VEPH1: variants seen among roughly 807,000 people sequenced by gnomAD.
VEPH1 encodes ventricular zone expressed PH domain containing 1.
VEPH1 carries 80 observed loss-of-function variants against 85.2 expected under a neutral mutation model. The ratio of observed to expected loss-of-function variants is 0.94; its 90% CI spans 0.78 to 1.13. VEPH1 has a LOEUF of 1.13. Ranked by LOEUF, VEPH1 falls within the 50% of genes most tolerant of loss-of-function variation. The probability of loss-of-function intolerance (pLI) is 0.00; values close to 1 mark genes in which losing one functional copy is unlikely to be tolerated. For synonymous variants in VEPH1, 297 were observed against 348.0 expected (o/e 0.85, Z 1.63); for missense variants, 955 against 980.5 (o/e 0.97, Z 0.35).
intron 6 of VEPH1, among the ~76,000 whole-genome samples, chr3:157,391,580 G>T (rs1391217292): frequency 2.0e-5 from 3 of 152,138 alleles, no homozygotes; most frequent in African/African-American, 7.2e-5. Context: ...AGAGTCTTTG[G>T]GAAATATGGG....
Position 157,261,242 on chromosome 3 carries a change from G to T in VEPH1, c.2394C>A (p.Val798=), listed in dbSNP as rs1577169182. 1.9e-6 allele frequency: 3 copies of T among 1,613,768 alleles called. No homozygotes were observed. The highest frequency in any genetic ancestry group is 2.5e-6 in the Non-Finnish European group (3 of 1,179,782). Residue 798 remains valine (V), a synonymous_variant, in exon 14 of 14, where the codon GTC becomes GTA. Transcript: ENST00000362010. ...CATTCTTCTCATCCTTGGCCTTAAA[G>T]ACATAGGTTTTATTGTCTGTGAAGA... ...FEIFTDNKTY[V]FKAKDEKNAE... is the part of the protein sequence containing the mutation.
intron 2 of VEPH1, among the ~76,000 whole-genome samples, chr3:157,474,297 C>T (rs570489738): frequency 2.0e-5 from 3 of 151,810 alleles, no homozygotes; most frequent in Non-Finnish European, 4.4e-5. Flanking sequence ...CTTTATAACT[C>T]TTGTGAACTA....
intron 3 of VEPH1, among the ~76,000 whole-genome samples, chr3:157,461,943 TC>T (rs1376095581): frequency 6.6e-6 from 1 of 151,616 alleles, no homozygotes; most frequent in East Asian, 1.9e-4. Flanking sequence ...CTTCTAGTCA[TC>T]AAGAGATATC....
At chr3:157,304,486 C>T (rs1406703701) in intron 11 of VEPH1, among the ~76,000 whole-genome samples, 1 of 152,128 alleles carries the variant, frequency 6.6e-6, no homozygotes, top group East Asian at 1.9e-4. Context: ...CTTCAATCAA[C>T]TTTGTCAACT....
Position 157,261,326 on chromosome 3 carries a change from CTG to C in VEPH1, c.2308_2309del (p.Gln770GlufsTer25), listed in dbSNP as rs1695524073. On this transcript the variant is annotated frameshift_variant, in exon 14 of 14. Transcript: ENST00000362010. LOFTEE classifies it high-confidence loss of function. The part of the protein sequence containing the change: ...DDCPIELSKV[Q>X]SVKAVAKKRR... Reference sequence around the variant, plus strand: ...GTTTCTTGGCCACAGCCTTCACACTCTGTACTTTGCTGAGTTCTATTGGGCAG... The same window carrying C: ...GTTTCTTGGCCACAGCCTTCACACTCTACTTTGCTGAGTTCTATTGGGCAG... 1 of 1,613,578 alleles carries C rather than the reference CTG, an allele frequency of 6.2e-7. No homozygotes were observed. The highest frequency in any genetic ancestry group is 1.3e-5 in the African/African-American group (1 of 74,872).
rs1728743202 is a variant in VEPH1, at chr3:157,381,330, T to C, written c.953A>G (p.Asn318Ser). ...AATATGGTGAAACGAATGCTCCATG[T>C]TGGCCAGTTGGCTCACCAGGTATGT... ...CLTYLVSQLA[N>S]MEHSFHHILL... The change falls in exon 7 of 14, where the codon AAC becomes AGC. Residue 318 changes from asparagine to serine, a missense_variant. Transcript: ENST00000362010. 6.2e-7 allele frequency: 1 copy of C among 1,614,208 alleles called. No homozygotes were observed. The highest frequency in any genetic ancestry group is 2.2e-5 in the East Asian group (1 of 44,878).
At chr3:157,392,980 G>A (rs1488582606) in intron 6 of VEPH1, among the ~76,000 whole-genome samples, 2 of 152,100 alleles carry the variant, frequency 1.3e-5, no homozygotes, top group Non-Finnish European at 2.9e-5. Context: ...ATTTAATCCT[G>A]GGCAACTGGA....
In VEPH1 at chr3:157,396,664, G is replaced by C. The variant is rs112997450; in HGVS notation, c.907-15288C>G. On this transcript the variant is annotated intron_variant, in intron 6 of 13. Transcript: ENST00000362010. The stretch of plus-strand genomic sequence containing the variant: ...TGGTGTGAGATGATATCTCATTGTG[G>C]TTTTGATCCGCATTTCTTTAATGAT... Among the ~76,000 whole-genome samples the C allele has an allele frequency of 5.9e-5, 9 of 152,194 alleles. 1 individual carries two copies. The highest frequency in any genetic ancestry group is 2.2e-4 in the African/African-American group (9 of 41,534).
intron 6 of VEPH1, among the ~76,000 whole-genome samples, chr3:157,390,913 T>C (rs533610195): frequency 0.017 from 2,513 of 152,270 alleles, 67 homozygotes; most frequent in African/African-American, 0.055. Flanking sequence ...CATCTCCAAG[T>C]TTTTGGGCAC....
At chr3:157,439,972 G>A (rs1577664017) in intron 4 of VEPH1, among the ~76,000 whole-genome samples, 1 of 152,046 alleles carries the variant, frequency 6.6e-6, no homozygotes, top group African/African-American at 2.4e-5. Context: ...GGATGGTCTC[G>A]ATCTCCTGAC....
intron 6 of VEPH1, among the ~76,000 whole-genome samples, chr3:157,382,448 G>A (rs539005715): frequency 6.6e-6 from 1 of 152,192 alleles, no homozygotes; most frequent in South Asian, 2.1e-4. Context: ...TATTGAAAAG[G>A]TTATTTGAAA....
Position 157,442,842 on chromosome 3 carries a change from A to C in VEPH1, c.530-14354T>G, listed in dbSNP as rs1209688854. The C allele has an allele frequency of 2.5e-6, 4 of 1,614,110 alleles. No homozygotes were observed. In the African/African-American group the frequency reaches 4.0e-5, roughly 16 times the overall value. ...CTTCTCTGGGAGACTCACAGGCTTC[A>C]ATATCTGGGATAGTGTTCTTAGCAA... On this transcript the variant is annotated intron_variant, in intron 4 of 13. Transcript: ENST00000362010.
chr3:157,441,692 C>T (rs1734129359), intron 4 of VEPH1, among the ~76,000 whole-genome samples: 2 of 151,972 alleles, frequency 1.3e-5, no homozygotes. Context: ...CACCTGTAGT[C>T]CCAGCTACTC....
At chr3:157,380,887 A>T (rs984565859) in intron 7 of VEPH1, among the ~76,000 whole-genome samples, 7 of 152,234 alleles carry the variant, frequency 4.6e-5, no homozygotes, top group Admixed American at 4.6e-4. Flanking sequence ...TTGTTGAGTA[A>T]ATAAACGGGT....
chr3:157,484,165 A>C (rs1031658635), intron 2 of VEPH1, among the ~76,000 whole-genome samples: 1 of 152,236 alleles, frequency 6.6e-6, no homozygotes, highest in African/African-American at 2.4e-5. Context: ...GAAACTACTG[A>C]GAAATGAAAT....
At chr3:157,485,587 A>C (rs980685938) in intron 2 of VEPH1, among the ~76,000 whole-genome samples, 1 of 152,122 alleles carries the variant, frequency 6.6e-6, no homozygotes, top group Admixed American at 6.6e-5. Context: ...AAAAATTTTC[A>C]GAAAAAATAT....
chr3:157,264,080 G>A (rs777681559), intron 13 of VEPH1, among the ~76,000 whole-genome samples: 1 of 152,230 alleles, frequency 6.6e-6, no homozygotes, highest in South Asian at 2.1e-4. Context: ...GCTCCCCATT[G>A]TGGGTGGGCA....
At chr3:157,448,341 G>A (rs1423435760) in intron 4 of VEPH1, among the ~76,000 whole-genome samples, 1 of 152,178 alleles carries the variant, frequency 6.6e-6, no homozygotes, top group Non-Finnish European at 1.5e-5. Context: ...GTCGTTTTGT[G>A]ACTTGTGCCA....
intron 12 of VEPH1, among the ~76,000 whole-genome samples, chr3:157,271,126 G>C (rs1019187058): frequency 2.6e-5 from 4 of 152,176 alleles, no homozygotes; most frequent in African/African-American, 9.7e-5. Context: ...TGGGCTGAGG[G>C]GTGAAGGGAG....
Sources: gnomAD v4.1 joint callset for allele counts (sites outside exome capture counted in the v4.1 genomes callset) on GRCh38, gnomAD v4.1.1 for gene constraint, MANE v1.5 for transcripts, NCBI Gene and HGNC (gene_info 2026-07-23, HGNC 2026-07-21) for gene names.